Variants in PDZRN4 observed in about 807,000 individuals in gnomAD.
PDZRN4 encodes PDZ domain containing ring finger 4.
PDZRN4 carries 70 observed loss-of-function variants against 99.0 expected under a neutral mutation model. That is an observed-to-expected ratio of 0.71 (90% CI 0.58 to 0.86). PDZRN4 has a LOEUF of 0.86. PDZRN4 is among the 40% of genes least tolerant of loss of function. The pLI is 0.00. For synonymous variants in PDZRN4, 551 were observed against 501.6 expected (o/e 1.10, Z -1.32); for missense variants, 1,474 against 1,331.2 (o/e 1.11, Z -1.67).
chr12:41,228,869 T>C (rs1290926833), intron 3 of PDZRN4, among the ~76,000 whole-genome samples: 2 of 152,046 alleles, frequency 1.3e-5, no homozygotes, highest in Non-Finnish European at 2.9e-5. Context: ...GTGAAATAAA[T>C]GAATTGTTCC....
At chr12:41,472,387 A>C (rs1451771367) in intron 3 of PDZRN4, among the ~76,000 whole-genome samples, 2 of 152,238 alleles carry the variant, frequency 1.3e-5, no homozygotes, top group South Asian at 4.1e-4. Flanking sequence ...TGACAAAACA[A>C]CTAGATACCC....
chr12:41,296,722 G>A (rs905395730), intron 3 of PDZRN4, among the ~76,000 whole-genome samples: 1 of 152,174 alleles, frequency 6.6e-6, no homozygotes, highest in African/African-American at 2.4e-5. Context: ...CAACTTGGGA[G>A]GCTGAGACAG....
At chr12:41,553,018 G>T (rs1939085380) in intron 6 of PDZRN4, among the ~76,000 whole-genome samples, 1 of 152,158 alleles carries the variant, frequency 6.6e-6, no homozygotes, top group Non-Finnish European at 1.5e-5. Flanking sequence ...GTCCAAATTT[G>T]AATAAATTCC....
chr12:41,427,618 T>A (rs1014076716), intron 3 of PDZRN4, among the ~76,000 whole-genome samples: 1 of 152,218 alleles, frequency 6.6e-6, no homozygotes, highest in Non-Finnish European at 1.5e-5. Flanking sequence ...TTAAACATTC[T>A]ATATTATCAG....
intron 3 of PDZRN4, among the ~76,000 whole-genome samples, chr12:41,504,136 G>A (rs758228251): frequency 6.6e-6 from 1 of 152,088 alleles, no homozygotes; most frequent in South Asian, 2.1e-4. Context: ...TGGCATGGTG[G>A]CATGCGCCTG....
intron 3 of PDZRN4, among the ~76,000 whole-genome samples, chr12:41,302,651 T>C (rs1444798272): frequency 1.3e-5 from 2 of 152,118 alleles, no homozygotes; most frequent in Non-Finnish European, 2.9e-5. Flanking sequence ...ATTTGCACAG[T>C]GCGTTTTGGG....
At chr12:41,536,432 G>A (rs1293651572) in intron 5 of PDZRN4, among the ~76,000 whole-genome samples, 5 of 152,104 alleles carry the variant, frequency 3.3e-5, no homozygotes, top group Non-Finnish European at 7.4e-5. Flanking sequence ...GTGGCAGAAG[G>A]GATGAAAAAG....
At chr12:41,474,767 G>GA (rs554839996) in intron 3 of PDZRN4, among the ~76,000 whole-genome samples, 2 of 152,110 alleles carry the variant, frequency 1.3e-5, no homozygotes, top group South Asian at 2.1e-4. Context: ...TGAGGACACA[G>GA]AAAAAAACTG....
chr12:41,558,165 T>C (rs1411186558), intron 7 of PDZRN4, among the ~76,000 whole-genome samples: 1 of 152,228 alleles, frequency 6.6e-6, no homozygotes, highest in Non-Finnish European at 1.5e-5. Flanking sequence ...ACATCTCCAG[T>C]AAAATATACT....
intron 3 of PDZRN4, among the ~76,000 whole-genome samples, chr12:41,300,637 A>C (rs2120929480): frequency 6.6e-6 from 1 of 152,066 alleles, no homozygotes; most frequent in South Asian, 2.1e-4. Context: ...GGATATGTGT[A>C]CATTAAGGAA....
chr12:41,442,841 A>C (rs1282368485), intron 3 of PDZRN4, among the ~76,000 whole-genome samples: 2 of 152,214 alleles, frequency 1.3e-5, no homozygotes, highest in East Asian at 3.9e-4. Context: ...ACATCTAAGA[A>C]ATGAAACAGA....
chr12:41,357,775 C>A (rs1312865595), intron 3 of PDZRN4, among the ~76,000 whole-genome samples: 2 of 152,080 alleles, frequency 1.3e-5, no homozygotes, highest in African/African-American at 4.8e-5. Context: ...TGAGTGGTAG[C>A]AACAGCCATG....
chr12:41,243,582 C>A (rs1050873224), intron 3 of PDZRN4, among the ~76,000 whole-genome samples: 3 of 151,970 alleles, frequency 2.0e-5, no homozygotes, highest in Non-Finnish European at 4.4e-5. Flanking sequence ...CCAGATAGAT[C>A]TATTGGAGTC....
At chr12:41,336,002 C>A (rs1398904344) in intron 3 of PDZRN4, among the ~76,000 whole-genome samples, 4 of 152,012 alleles carry the variant, frequency 2.6e-5, no homozygotes, top group Non-Finnish European at 5.9e-5. Context: ...AAAAAGTTTT[C>A]TTTTAGAAAT....
In PDZRN4 at chr12:41,437,897, C is replaced by T. The variant is rs764575281; in HGVS notation, c.844-68559C>T. On this transcript the variant is annotated intron_variant, in intron 3 of 9. Transcript: ENST00000402685. ...ATTCCCTTTCAGTTCACTTGCCTTT[C>T]AGTTCTGGGGAAATTAGAAGATTTG... is the stretch of plus-strand genomic sequence containing the variant. 1.9e-6 allele frequency: 3 copies of T among 1,613,586 alleles called. No homozygotes were observed. In the South Asian group the frequency reaches 3.3e-5, roughly 18 times the overall value.
At chr12:41,258,660 A>C (rs1177737038) in intron 3 of PDZRN4, among the ~76,000 whole-genome samples, 2 of 152,204 alleles carry the variant, frequency 1.3e-5, no homozygotes, top group Admixed American at 6.5e-5. Context: ...ATATTTATTG[A>C]GTGCATACTA....
intron 5 of PDZRN4, among the ~76,000 whole-genome samples, chr12:41,526,811 A>AT (rs971653901): frequency 6.6e-6 from 1 of 152,176 alleles, no homozygotes; most frequent in African/African-American, 2.4e-5. Flanking sequence ...ACAGTGTTAA[A>AT]TTTTTTTGAT....
chr12:41,466,739 T>C (rs910791735), intron 3 of PDZRN4, among the ~76,000 whole-genome samples: 9 of 148,776 alleles, frequency 6.0e-5, no homozygotes, highest in Non-Finnish European at 1.5e-5. Context: ...ACAAATCCTT[T>C]ATATTTCCAG....
chr12:41,311,276 T>A lies in PDZRN4; in HGVS notation c.843+117088T>A, dbSNP rs1226671299. On this transcript the variant is annotated intron_variant, in intron 3 of 9. Coordinates refer to ENST00000402685, the MANE Select transcript of PDZRN4 (RefSeq NM_001164595.2). The stretch of plus-strand genomic sequence containing the variant: ...CTATGCTATAAGCAATGAGAATTTT[T>A]TTTTTTCAGAAAAAAAAATCCCCGT... 3.3e-5 allele frequency among the ~76,000 whole-genome samples: 5 copies of A among 152,148 alleles called. No individual in the cohort carries two copies. The East Asian group carries it at 9.7e-4, about 30-fold the overall frequency.
Sources: allele counts gnomAD v4.1 joint callset (sites outside exome capture counted in the v4.1 genomes callset), GRCh38; gene constraint gnomAD v4.1.1; transcripts MANE v1.5; gene names NCBI Gene and HGNC (gene_info 2026-07-23, HGNC 2026-07-21).